The following ARHGAP42 variants were observed in gnomAD, a reference collection of about 807,000 sequenced individuals.
ARHGAP42 encodes the protein Rho GTPase activating protein 42, also known as rho GTPase-activating protein 42.
A neutral mutation model predicts 125.0 loss-of-function variants in ARHGAP42; 63 were observed. The observed-to-expected ratio is 0.50, with a 90% CI of 0.41 to 0.62. The LOEUF (loss-of-function observed/expected upper bound fraction) is 0.62. Ranked by LOEUF, ARHGAP42 falls within the 20% of genes least tolerant of loss-of-function variation. The probability of loss-of-function intolerance (pLI) is 0.00; values close to 1 mark genes in which losing one functional copy is unlikely to be tolerated. For synonymous variants in ARHGAP42, 339 were observed against 351.0 expected, an observed-to-expected ratio of 0.97 and a Z score of 0.38; for missense variants, 766 against 1,024.2, an observed-to-expected ratio of 0.75 and a Z score of 3.44.
chr11:100,802,047 T>C (rs1055561509), intron 3 of ARHGAP42, among the ~76,000 whole-genome samples: 7 of 152,202 alleles, frequency 4.6e-5, no homozygotes, highest in Non-Finnish European at 7.3e-5. Flanking sequence ...TTAGGTGTCT[T>C]TGTGGTCAGA....
intron 8 of ARHGAP42, among the ~76,000 whole-genome samples, chr11:100,938,205 C>T (rs1418902968): frequency 3.3e-5 from 5 of 152,088 alleles, no homozygotes; most frequent in Admixed American, 2.0e-4. Flanking sequence ...TCCATACCTT[C>T]TCTCCATCTC....
intron 1 of ARHGAP42, among the ~76,000 whole-genome samples, chr11:100,754,521 A>T (rs1284879490): frequency 6.6e-6 from 1 of 152,214 alleles, no homozygotes. Flanking sequence ...ACTTCTGGGA[A>T]AACTTAATTT....
At chr11:100,719,564 G>A (rs1374990238) in intron 1 of ARHGAP42, among the ~76,000 whole-genome samples, 1 of 152,188 alleles carries the variant, frequency 6.6e-6, no homozygotes, top group Non-Finnish European at 1.5e-5. Flanking sequence ...GGTCAGATTT[G>A]TGATGCAAAC....
At chr11:100,908,426 T>C (rs1460884889) in intron 4 of ARHGAP42, among the ~76,000 whole-genome samples, 1 of 152,214 alleles carries the variant, frequency 6.6e-6, no homozygotes, top group Non-Finnish European at 1.5e-5. Context: ...CTCCAGTGTC[T>C]ATTACTCCAC....
At chr11:100,701,932 T>G (rs1861403972) in intron 1 of ARHGAP42, among the ~76,000 whole-genome samples, 1 of 152,104 alleles carries the variant, frequency 6.6e-6, no homozygotes, top group Non-Finnish European at 1.5e-5. Context: ...GAGGCCTAGT[T>G]TTCGGACTGT....
chr11:100,699,208 C>CA (rs1490892919), intron 1 of ARHGAP42, among the ~76,000 whole-genome samples: 3 of 151,882 alleles, frequency 2.0e-5, no homozygotes, highest in African/African-American at 7.3e-5. Flanking sequence ...ACATCAGACT[C>CA]AATCTGTCAA....
intron 1 of ARHGAP42, among the ~76,000 whole-genome samples, chr11:100,756,998 A>C (rs1418570707): frequency 2.0e-5 from 3 of 152,230 alleles, no homozygotes; most frequent in African/African-American, 7.2e-5. Context: ...CTTTAAACAT[A>C]AGATGCATAT....
At chr11:100,797,957 CT>C in intron 3 of ARHGAP42, among the ~76,000 whole-genome samples, 1 of 152,260 alleles carries the variant, frequency 6.6e-6, no homozygotes, top group East Asian at 1.9e-4. Context: ...GATTCCAGCC[CT>C]CATGGATGAC....
At chr11:100,769,925 A>G (rs762192513) in intron 1 of ARHGAP42, among the ~76,000 whole-genome samples, 16 of 151,982 alleles carry the variant, frequency 1.1e-4, no homozygotes, top group Non-Finnish European at 2.4e-4. Context: ...GCAAACCACT[A>G]TAACACACGT....
intron 3 of ARHGAP42, among the ~76,000 whole-genome samples, chr11:100,811,075 C>T (rs1439362367): frequency 6.6e-6 from 1 of 152,040 alleles, no homozygotes; most frequent in Non-Finnish European, 1.5e-5. Context: ...CCTGCCTCAG[C>T]CTCTTCAGTA....
intron 20 of ARHGAP42, 78 bp downstream of exon 20, chr11:100,976,515 G>A (rs978503176): frequency 1.4e-6 from 2 of 1,445,252 alleles, no homozygotes; most frequent in Admixed American, 2.8e-5. Flanking sequence ...TGGTTAAGCA[G>A]GGATAAAGTT....
intron 3 of ARHGAP42, among the ~76,000 whole-genome samples, chr11:100,826,640 T>C (rs1194794823): frequency 1.3e-5 from 2 of 152,180 alleles, no homozygotes; most frequent in Non-Finnish European, 2.9e-5. Context: ...TTTTACTTGC[T>C]TACTTCACCA....
Position 100,800,058 on chromosome 11 carries a change from A to G in ARHGAP42, c.312+4892A>G, listed in dbSNP as rs980821557. Reference sequence around the variant, plus strand: ...CAATGAAGAGAAATTGAAGTTAGCCATCATAAGTCTGTTAAGGATAGACTA... The same window carrying G: ...CAATGAAGAGAAATTGAAGTTAGCCGTCATAAGTCTGTTAAGGATAGACTA... On this transcript the variant is annotated intron_variant, in intron 3 of 23. Coordinates refer to ENST00000298815, the MANE Select transcript of ARHGAP42 (RefSeq NM_152432.4). 3.3e-5 allele frequency among the ~76,000 whole-genome samples: 5 copies of G among 152,356 alleles called. No homozygotes were observed. In the East Asian group the frequency reaches 7.7e-4, roughly 23 times the overall value.
chr11:100,976,518 A>T (rs571577752), intron 20 of ARHGAP42, 81 bp downstream of exon 20: 1 of 1,440,578 alleles, frequency 6.9e-7, no homozygotes, highest in East Asian at 2.5e-5. Context: ...TTAAGCAGGG[A>T]TAAAGTTAAT....
intron 3 of ARHGAP42, among the ~76,000 whole-genome samples, chr11:100,801,129 G>T (rs1863840843): frequency 6.6e-6 from 1 of 152,036 alleles, no homozygotes; most frequent in South Asian, 2.1e-4. Context: ...TTGGATTTTG[G>T]GACATTCCGG....
intron 1 of ARHGAP42, among the ~76,000 whole-genome samples, chr11:100,749,041 T>C (rs1284323484): frequency 6.6e-6 from 1 of 152,140 alleles, no homozygotes; most frequent in Non-Finnish European, 1.5e-5. Flanking sequence ...TCTCTTTCTC[T>C]GCCTCTCCCA....
intron 1 of ARHGAP42, among the ~76,000 whole-genome samples, chr11:100,715,707 G>A (rs553083492): frequency 2.8e-4 from 43 of 152,274 alleles, no homozygotes; most frequent in Middle Eastern, 6.8e-3. Flanking sequence ...TAGTATTGGC[G>A]AGGTATTTAG....
At chr11:100,830,987 T>A (rs546862002) in intron 3 of ARHGAP42, among the ~76,000 whole-genome samples, 2 of 152,148 alleles carry the variant, frequency 1.3e-5, no homozygotes, top group African/African-American at 4.8e-5. Context: ...GGGGTCAAAG[T>A]TGAAAAAAAA....
intron 17 of ARHGAP42, among the ~76,000 whole-genome samples, chr11:100,971,165 C>G (rs545422020): frequency 6.6e-6 from 1 of 152,070 alleles, no homozygotes. Context: ...TTTGCTTGAA[C>G]AAATATTTCT....
Sources: gnomAD v4.1 joint callset for allele counts (sites outside exome capture counted in the v4.1 genomes callset) on GRCh38, gnomAD v4.1.1 for gene constraint, MANE v1.5 for transcripts, NCBI Gene and HGNC (gene_info 2026-07-23, HGNC 2026-07-21) for gene names.